Variants in MARCHF1 observed in about 807,000 individuals in gnomAD.
MARCHF1 encodes E3 ubiquitin-protein ligase MARCHF1.
Under a neutral mutation model 54.2 loss-of-function variants are expected in MARCHF1, and 40 were observed. That is an observed-to-expected ratio of 0.74 (90% CI 0.57 to 0.96). The LOEUF (loss-of-function observed/expected upper bound fraction) is 0.96. MARCHF1 is among the 40% of genes least tolerant of loss of function. MARCHF1 has a pLI of 0.00. For missense variants in MARCHF1, 586 were observed against 656.5 expected, an observed-to-expected ratio of 0.89 and a Z score of 1.17; for synonymous variants, 236 against 236.3, an observed-to-expected ratio of 1.00 and a Z score of 0.01.
intron 4 of MARCHF1, among the ~76,000 whole-genome samples, chr4:163,801,823 G>A (rs1461685456): frequency 9.9e-5 from 15 of 152,074 alleles, no homozygotes; most frequent in Non-Finnish European, 1.8e-4. Flanking sequence ...TAGGTTTTGA[G>A]TTTCATCCAT....
chr4:163,968,387 T>C (rs1310275907), intron 3 of MARCHF1, among the ~76,000 whole-genome samples: 1 of 152,168 alleles, frequency 6.6e-6, no homozygotes, highest in East Asian at 1.9e-4. Flanking sequence ...GATTTCTACG[T>C]GGCCAATTTC....
chr4:163,980,122 C>G (rs1308167110), intron 3 of MARCHF1, among the ~76,000 whole-genome samples: 5 of 144,528 alleles, frequency 3.5e-5, no homozygotes, highest in Non-Finnish European at 6.0e-5. Flanking sequence ...AACTTTACTA[C>G]AAGGCTACAG....
chr4:163,571,843 T>C (rs1216597056), intron 8 of MARCHF1, among the ~76,000 whole-genome samples: 1 of 152,124 alleles, frequency 6.6e-6, no homozygotes, highest in Non-Finnish European at 1.5e-5. Context: ...AAGTCTTTCA[T>C]GTATGCCTCA....
intron 2 of MARCHF1, among the ~76,000 whole-genome samples, chr4:164,072,504 T>C (rs1754889473): frequency 6.6e-6 from 1 of 151,934 alleles, no homozygotes; most frequent in Admixed American, 6.6e-5. Context: ...AAGGCTGCAG[T>C]GAGCCAGGAT....
chr4:164,363,178 A>G (rs548089292), intron 1 of MARCHF1, among the ~76,000 whole-genome samples: 1 of 152,162 alleles, frequency 6.6e-6, no homozygotes, highest in Non-Finnish European at 1.5e-5. Flanking sequence ...ATGATATAAA[A>G]TAAAAATGTG....
intron 8 of MARCHF1, among the ~76,000 whole-genome samples, chr4:163,578,538 T>C (rs1050832945): frequency 6.6e-6 from 1 of 152,180 alleles, no homozygotes; most frequent in African/African-American, 2.4e-5. Flanking sequence ...TCCTGGATAT[T>C]TAACTGCTAA....
chr4:164,047,227 CAGCAAGAAAAAA>C (rs1754260860), intron 2 of MARCHF1, among the ~76,000 whole-genome samples: 1 of 151,644 alleles, frequency 6.6e-6, no homozygotes, highest in Non-Finnish European at 1.5e-5. Flanking sequence ...AGCTGACAAG[CAGCAAGAAAAAA>C]GGCACTTCAA....
intron 2 of MARCHF1, among the ~76,000 whole-genome samples, chr4:164,046,058 A>G (rs759298390): frequency 2.0e-5 from 3 of 152,162 alleles, no homozygotes; most frequent in Non-Finnish European, 4.4e-5. Context: ...TCTTACTTCA[A>G]TTCTCTAATT....
intron 2 of MARCHF1, among the ~76,000 whole-genome samples, chr4:164,081,005 G>A (rs1370627093): frequency 1.3e-5 from 2 of 149,714 alleles, no homozygotes; most frequent in Non-Finnish European, 3.0e-5. Flanking sequence ...TCAGGAGATC[G>A]AGACCATCCT....
In MARCHF1 at chr4:164,334,535, A is replaced by AC. The variant is rs386402134; in HGVS notation, c.-323+49334_-323+49335insG. ...GAGACCTACTGCTCAGAAAAAAAAAAATCCTTTCAAAAGTTGCTGCTCATT... is the reference window on the plus strand; with the variant it reads ...GAGACCTACTGCTCAGAAAAAAAAAACATCCTTTCAAAAGTTGCTGCTCATT... On this transcript the variant is annotated intron_variant, in intron 1 of 9. Coordinates refer to ENST00000514618, the MANE Select transcript of MARCHF1 (RefSeq NM_001394959.1). Among the ~76,000 whole-genome samples, 38 of 151,834 alleles carry AC rather than the reference A, an allele frequency of 2.5e-4. 4 individuals are homozygous for AC. The East Asian group carries it at 3.7e-3, about 15-fold the overall frequency.
chr4:163,847,662 C>A (rs548336450), intron 4 of MARCHF1, among the ~76,000 whole-genome samples: 1 of 148,622 alleles, frequency 6.7e-6, no homozygotes, highest in East Asian at 2.1e-4. Flanking sequence ...CTTACTGCAA[C>A]CTCCGCCTCC....
At chr4:163,613,503 A>G (rs1560974814) in intron 5 of MARCHF1, 110 bp from the exon 6 acceptor site, 1 of 1,611,104 alleles carries the variant, frequency 6.2e-7, no homozygotes, top group Non-Finnish European at 8.5e-7. Flanking sequence ...GCTGCTGGTC[A>G]TGTTGCTTAT....
At chr4:164,123,028 T>A (rs1381459739) in intron 1 of MARCHF1, among the ~76,000 whole-genome samples, 1 of 152,126 alleles carries the variant, frequency 6.6e-6, no homozygotes, top group African/African-American at 2.4e-5. Flanking sequence ...ATTATCCTTG[T>A]TTTCAGATGA....
At chr4:163,718,146 A>G (rs948255013) in intron 4 of MARCHF1, among the ~76,000 whole-genome samples, 6 of 152,246 alleles carry the variant, frequency 3.9e-5, no homozygotes, top group Admixed American at 1.3e-4. Context: ...TACACAAAAA[A>G]TTAATTCAAG....
intron 1 of MARCHF1, among the ~76,000 whole-genome samples, chr4:164,161,795 CA>C (rs1730246127): frequency 1.3e-5 from 2 of 152,130 alleles, no homozygotes; most frequent in African/African-American, 4.8e-5. Flanking sequence ...GAATTAGATA[CA>C]GCCACCTTGC....
At chr4:163,660,613 C>T (rs373228204) in intron 5 of MARCHF1, among the ~76,000 whole-genome samples, 4 of 150,814 alleles carry the variant, frequency 2.7e-5, no homozygotes, top group Admixed American at 6.6e-5. Flanking sequence ...CAAAAAGTTG[C>T]GTTAAAGCAC....
rs979367352 is a variant in MARCHF1, at chr4:163,854,103, C to T, written c.29G>A (p.Arg10His). Residue 10 changes from arginine to histidine, a missense_variant, in exon 4 of 10, where the codon CGT becomes CAT. This residue lies in a region of MARCHF1 where 387 missense variants were observed against 394.6 expected (regional missense o/e 0.98). Transcript: ENST00000514618. MLGWCEAIA[R>H]NPHRIPNNTR... ...GTTGTTTGGAATTCTGTGAGGGTTACGGGCTATCGCTTCACACCAGCCCAG... is the reference window on the plus strand; with the variant it reads ...GTTGTTTGGAATTCTGTGAGGGTTATGGGCTATCGCTTCACACCAGCCCAG... 1.4e-5 allele frequency: 22 copies of T among 1,536,386 alleles called. No homozygotes were observed. In the Admixed American group the frequency reaches 2.2e-4, roughly 15 times the overall value.
intron 1 of MARCHF1, among the ~76,000 whole-genome samples, chr4:164,115,859 T>C (rs1201404684): frequency 6.6e-6 from 1 of 152,056 alleles, no homozygotes; most frequent in East Asian, 1.9e-4. Flanking sequence ...ATTTGGAAGA[T>C]GTCATAGTTC....
intron 3 of MARCHF1, among the ~76,000 whole-genome samples, chr4:163,935,685 G>C (rs1006349899): frequency 6.9e-6 from 1 of 145,620 alleles, no homozygotes; most frequent in Non-Finnish European, 1.5e-5. Flanking sequence ...CAACAACAAG[G>C]CTGTTTTGCT....
Sources: allele counts gnomAD v4.1 joint callset (sites outside exome capture counted in the v4.1 genomes callset), GRCh38; gene constraint gnomAD v4.1.1; regional missense constraint gnomAD v4.1.1; transcripts MANE v1.5; gene names NCBI Gene and HGNC (gene_info 2026-07-23, HGNC 2026-07-21).